Variants in DPP3 observed in about 807,000 individuals in gnomAD.
DPP3 encodes dipeptidyl peptidase 3, also known as DPP III.
DPP3 carries 64 observed loss-of-function variants against 89.8 expected under a neutral mutation model. The ratio of observed to expected loss-of-function variants is 0.71; its 90% CI spans 0.58 to 0.88. The LOEUF is 0.88. Among genes scored for constraint, DPP3 ranks in the 40% least tolerant of loss-of-function variants. The probability of loss-of-function intolerance (pLI) is 0.00; values close to 1 mark genes in which losing one functional copy is unlikely to be tolerated. For missense variants in DPP3, 835 were observed against 972.5 expected, an observed-to-expected ratio of 0.86 and a Z score of 1.88; for synonymous variants, 377 against 404.3, an observed-to-expected ratio of 0.93 and a Z score of 0.81.
intron 6 of DPP3, among the ~76,000 whole-genome samples, chr11:66,490,876 T>C (rs1855364761): frequency 6.6e-6 from 1 of 151,832 alleles, no homozygotes; most frequent in South Asian, 2.1e-4. Flanking sequence ...TTCAAGCGAT[T>C]CTCTTGCCTC....
intron 16 of DPP3, among the ~76,000 whole-genome samples, chr11:66,497,824 G>C (rs1044674317): frequency 1.3e-5 from 2 of 151,544 alleles, no homozygotes; most frequent in African/African-American, 4.9e-5. Context: ...CTGAGGGGTC[G>C]AGGCTGCAGT....
In DPP3 at chr11:66,509,530, G is replaced by A. The variant is rs965741558; in HGVS notation, c.*279G>A. On this transcript the variant is annotated 3_prime_UTR_variant, in exon 18 of 18. Coordinates refer to ENST00000531863, the MANE Select transcript of DPP3 (RefSeq NM_130443.4). ...TACCAGATGAGGAAATGGCAGTTCTGAGAAGTCACTGGTCTAGATCCCGCA... is the reference window on the plus strand; with the variant it reads ...TACCAGATGAGGAAATGGCAGTTCTAAGAAGTCACTGGTCTAGATCCCGCA... 8 of 1,047,740 alleles carry A rather than the reference G, an allele frequency of 7.6e-6. No individual in the cohort carries two copies. Among genetic ancestry groups the A allele is most frequent in the Middle Eastern group, 2.0e-4 (1 of 5,020 alleles). The allele number at this position is 1,047,740 out of a possible 1,614,324, so 64.9% of individuals were successfully genotyped here.
At position 66,501,894 on chromosome 11, in the gene DPP3, G is replaced by GT. The variant is rs894824634; in HGVS notation, c.1879-2712dup. Among the ~76,000 whole-genome samples, 3 of 150,428 alleles carry GT rather than the reference G, an allele frequency of 2.0e-5. No homozygotes were observed. The South Asian group carries it at 6.4e-4, about 32-fold the overall frequency. On this transcript the variant is annotated intron_variant, in intron 16 of 17. Coordinates refer to ENST00000531863, the MANE Select transcript of DPP3 (RefSeq NM_130443.4). ...AGTAAAACTCAGGGAAAGCAAGAGA[G>GT]TTTTTTAAAAACTACAATATCGGCT...
At chr11:66,486,719 A>G in intron 4 of DPP3, 42 bp downstream of exon 4, 1 of 1,451,194 alleles carries the variant, frequency 6.9e-7, no homozygotes, top group Non-Finnish European at 9.1e-7. Context: ...GAGTGGAGGG[A>G]ATCCTTCAAG....
At chr11:66,493,034 C>G in intron 10 of DPP3, 33 bp from the exon 11 acceptor site, 3 of 1,613,098 alleles carry the variant, frequency 1.9e-6, no homozygotes, top group Non-Finnish European at 2.5e-6. Flanking sequence ...TGACCCTCAC[C>G]TCTTCTTTCT....
At chr11:66,509,016 T>G in intron 17 of DPP3, 63 bp from the exon 18 acceptor site, 1 of 1,567,770 alleles carries the variant, frequency 6.4e-7, no homozygotes, top group Non-Finnish European at 8.7e-7. Context: ...TTAAGATTTT[T>G]ATGATGATTC....
chr11:66,500,301 C>A (rs1475545706), intron 16 of DPP3, among the ~76,000 whole-genome samples: 1 of 152,096 alleles, frequency 6.6e-6, no homozygotes, highest in African/African-American at 2.4e-5. Context: ...TTGCAGTGAG[C>A]CAAGATCATG....
intron 16 of DPP3, among the ~76,000 whole-genome samples, chr11:66,504,000 A>G (rs560264597): frequency 1.3e-5 from 2 of 152,176 alleles, no homozygotes; most frequent in Non-Finnish European, 1.5e-5. Context: ...TCCATCCAAG[A>G]TGATACCTTG....
chr11:66,481,593 C>T (rs1286750776), intron 1 of DPP3, among the ~76,000 whole-genome samples: 1 of 152,100 alleles, frequency 6.6e-6, no homozygotes, highest in East Asian at 1.9e-4. Context: ...AGGCAAGGCT[C>T]TTAGCCTCTC....
intron 15 of DPP3, among the ~76,000 whole-genome samples, chr11:66,496,963 G>C (rs564683746): frequency 1.3e-5 from 2 of 152,172 alleles, no homozygotes; most frequent in African/African-American, 4.8e-5. Flanking sequence ...GACCCTGGAG[G>C]GGGTAGCTGC....
chr11:66,491,680 T>C lies in DPP3; in HGVS notation c.930-18T>C, dbSNP rs1474841956. On this transcript the variant is annotated intron_variant, in intron 8 of 17. Transcript: ENST00000531863. ...CTCCTGCCTGCCCCTCCTCCACCTC[T>C]GCCCTTCTCTCCCCCAGTTACATCG... 1 of 1,589,852 alleles carries C rather than the reference T, an allele frequency of 6.3e-7. No homozygotes were observed. The highest frequency in any genetic ancestry group is 2.3e-5 in the East Asian group (1 of 43,394).
Position 66,485,160 on chromosome 11 carries a change from G to T in DPP3, c.271-13G>T. 6.2e-7 allele frequency: 1 copy of T among 1,613,880 alleles called. No individual in the cohort carries two copies. The highest frequency in any genetic ancestry group is 8.5e-7 in the Non-Finnish European group (1 of 1,179,882). On this transcript the variant is annotated splice_polypyrimidine_tract_variant and intron_variant, in intron 2 of 17. Transcript: ENST00000531863. ...TGTGCTTCCTGGGTCTCTGATGCCT[G>T]CCTCCCCCTCAGGCGTTCCTGGTCT...
At chr11:66,484,613 G>A (rs1855171735) in intron 2 of DPP3, among the ~76,000 whole-genome samples, 1 of 152,068 alleles carries the variant, frequency 6.6e-6, no homozygotes, top group South Asian at 2.1e-4. Context: ...TTCTCAGACT[G>A]ACTGAGCCAG....
chr11:66,495,523 C>T (rs367659238), intron 14 of DPP3, 34 bp downstream of exon 14: 8 of 1,609,502 alleles, frequency 5.0e-6, no homozygotes, highest in Non-Finnish European at 6.8e-6. Context: ...CGGGCTGTCC[C>T]GCTGCAGTGG....
intron 2 of DPP3, among the ~76,000 whole-genome samples, chr11:66,482,702 A>G (rs1192991021): frequency 6.6e-6 from 1 of 152,252 alleles, no homozygotes; most frequent in Non-Finnish European, 1.5e-5. Flanking sequence ...TGACTTCAAG[A>G]TAAATGATGG....
intron 12 of DPP3, among the ~76,000 whole-genome samples, chr11:66,493,995 G>A (rs563827402): frequency 1.2e-4 from 19 of 152,274 alleles, no homozygotes; most frequent in East Asian, 3.9e-4. Context: ...TGCTTAGGGC[G>A]TGGCTCCAGC....
chr11:66,493,876 C>A (rs1249436177), intron 12 of DPP3, among the ~76,000 whole-genome samples: 1 of 152,076 alleles, frequency 6.6e-6, no homozygotes, highest in Non-Finnish European at 1.5e-5. Context: ...TGGTGTAGAG[C>A]CTGGATGTAG....
At chr11:66,508,476 C>CTGT (rs1304488981) in intron 17 of DPP3, among the ~76,000 whole-genome samples, 7 of 152,128 alleles carry the variant, frequency 4.6e-5, no homozygotes, top group Non-Finnish European at 1.0e-4. Flanking sequence ...ACACCAAGGA[C>CTGT]TGTATCTGTT....
At chr11:66,497,823 C>G (rs1464754707) in intron 16 of DPP3, among the ~76,000 whole-genome samples, 1 of 150,320 alleles carries the variant, frequency 6.7e-6, no homozygotes, top group Non-Finnish European at 1.5e-5. Flanking sequence ...CCTGAGGGGT[C>G]GAGGCTGCAG....
Sources: allele counts gnomAD v4.1 joint callset (sites outside exome capture counted in the v4.1 genomes callset), GRCh38; gene constraint gnomAD v4.1.1; transcripts MANE v1.5; gene names NCBI Gene and HGNC (gene_info 2026-07-23, HGNC 2026-07-21).